Variants in USP47 observed in about 807,000 individuals in gnomAD.
USP47 encodes ubiquitin specific peptidase 47, also known as ubiquitin carboxyl-terminal hydrolase 47.
Under a neutral mutation model 165.1 loss-of-function variants are expected in USP47, and 35 were observed. The ratio of observed to expected loss-of-function variants is 0.21; its 90% CI spans 0.16 to 0.28. The LOEUF (loss-of-function observed/expected upper bound fraction) is 0.28, where lower values mean the gene tolerates loss of function less well. USP47 is among the 10% of genes least tolerant of loss of function. The probability of loss-of-function intolerance (pLI) is 1.00; values close to 1 mark genes in which losing one functional copy is unlikely to be tolerated. For missense variants in USP47, 1,277 were observed against 1,607.4 expected (o/e 0.79, Z 3.52); for synonymous variants, 531 against 544.5 (o/e 0.98, Z 0.35).
At chr11:11,924,859 G>T (rs998016407) in intron 11 of USP47, among the ~76,000 whole-genome samples, 13 of 151,968 alleles carry the variant, frequency 8.6e-5, no homozygotes, top group African/African-American at 3.1e-4. Flanking sequence ...TTTAATCTCG[G>T]TTAGCCTAAT....
At chr11:11,910,156 T>G (rs961006431) in intron 8 of USP47, among the ~76,000 whole-genome samples, 1 of 152,124 alleles carries the variant, frequency 6.6e-6, no homozygotes, top group Non-Finnish European at 1.5e-5. Flanking sequence ...TTCCTCCCAC[T>G]AAAACAACTG....
chr11:11,847,406 A>G (rs1437742431), intron 1 of USP47, among the ~76,000 whole-genome samples: 2 of 152,044 alleles, frequency 1.3e-5, no homozygotes, highest in East Asian at 3.9e-4. Flanking sequence ...TTATATCTCC[A>G]GCCCTGACCC....
At chr11:11,844,386 T>C (rs1359550210) in intron 1 of USP47, among the ~76,000 whole-genome samples, 1 of 152,206 alleles carries the variant, frequency 6.6e-6, no homozygotes, top group Non-Finnish European at 1.5e-5. Flanking sequence ...GACAGGTCCT[T>C]TTAAACAGTA....
At chr11:11,932,387 A>G (rs1854735899) in intron 14 of USP47, among the ~76,000 whole-genome samples, 2 of 152,190 alleles carry the variant, frequency 1.3e-5, no homozygotes, top group Admixed American at 1.3e-4. Context: ...TTGTATTCAA[A>G]TGAATCTTGA....
intron 20 of USP47, among the ~76,000 whole-genome samples, chr11:11,944,557 T>C (rs1855696655): frequency 6.6e-6 from 1 of 152,176 alleles, no homozygotes; most frequent in Non-Finnish European, 1.5e-5. Context: ...ATTAGTTTTT[T>C]TAACAGCTGT....
At chr11:11,907,930 T>C (rs1416005791) in intron 8 of USP47, among the ~76,000 whole-genome samples, 3 of 152,002 alleles carry the variant, frequency 2.0e-5, no homozygotes, top group African/African-American at 4.8e-5. Context: ...ACCTCGTCTC[T>C]ACTAAAAATT....
chr11:11,952,857 G>A lies in USP47; in HGVS notation c.3700G>A (p.Glu1234Lys), dbSNP rs752493697. The A allele has an allele frequency of 2.8e-5, 45 of 1,601,992 alleles. No individual in the cohort carries two copies. The highest frequency in any genetic ancestry group is 6.8e-5 in the East Asian group (3 of 44,140). ...TGTATTGGAAAGCAGTAGTGTGGAC[G>A]AATTGCGAGAGAAGGTAAGTTCATT... ...EVVLESSSVD[E>K]LREKLSEISG... The change falls in exon 25 of 28, where the codon GAA becomes AAA. Residue 1234 changes from glutamate (E) to lysine (K), a missense_variant. By Grantham distance (56) the Glu-to-Lys change is moderately conservative. This residue lies in a region of USP47 where 909 missense variants were observed against 1,068.1 expected (regional missense o/e 0.85). Coordinates refer to ENST00000527733, the MANE Select transcript of USP47 (RefSeq NM_001282659.2).
intron 15 of USP47, 53 bp from the exon 16 acceptor site, chr11:11,933,778 A>G: frequency 7.9e-7 from 1 of 1,261,716 alleles, no homozygotes. Context: ...CTATCTACGG[A>G]AGAATTGAAC....
intron 1 of USP47, among the ~76,000 whole-genome samples, chr11:11,867,969 T>G (rs1432861005): frequency 6.6e-6 from 1 of 152,064 alleles, no homozygotes; most frequent in Non-Finnish European, 1.5e-5. Flanking sequence ...TTCTTAGGAG[T>G]ACCCTCCTCC....
At chr11:11,905,322 C>A in intron 7 of USP47, 77 bp from the exon 8 acceptor site, 1 of 1,087,766 alleles carries the variant, frequency 9.2e-7, no homozygotes, top group Non-Finnish European at 1.2e-6. Context: ...GTAAACCATT[C>A]TAAAAAGTGT....
At chr11:11,945,329 T>C (rs1211079449) in intron 20 of USP47, among the ~76,000 whole-genome samples, 1 of 152,170 alleles carries the variant, frequency 6.6e-6, no homozygotes, top group Non-Finnish European at 1.5e-5. Flanking sequence ...TACACATTCT[T>C]CAGAGTGATA....
At chr11:11,871,608 G>A (rs1185840586) in intron 1 of USP47, among the ~76,000 whole-genome samples, 1 of 149,816 alleles carries the variant, frequency 6.7e-6, no homozygotes, top group Non-Finnish European at 1.5e-5. Flanking sequence ...CCTTGCCTCA[G>A]GCACTCTCTT....
chr11:11,879,083 T>A (rs1317846600), intron 1 of USP47, among the ~76,000 whole-genome samples: 1 of 152,134 alleles, frequency 6.6e-6, no homozygotes, highest in Non-Finnish European at 1.5e-5. Context: ...AGCAAGAGAT[T>A]TACATCATCA....
At chr11:11,880,852 G>T (rs1303392056) in intron 2 of USP47, among the ~76,000 whole-genome samples, 1 of 152,144 alleles carries the variant, frequency 6.6e-6, no homozygotes, top group African/African-American at 2.4e-5. Context: ...TTTTATTTGT[G>T]TGTCTATGTG....
chr11:11,933,398 A>G (rs932352663), intron 15 of USP47, among the ~76,000 whole-genome samples: 2 of 152,166 alleles, frequency 1.3e-5, no homozygotes, highest in African/African-American at 4.8e-5. Flanking sequence ...AACTGGATAG[A>G]AATTGAGTAG....
At chr11:11,843,320 A>G (rs768876200) in intron 1 of USP47, among the ~76,000 whole-genome samples, 33 of 152,214 alleles carry the variant, frequency 2.2e-4, no homozygotes, top group Admixed American at 3.9e-4. Context: ...CAGCTTTGTC[A>G]GAAGGGCAGT....
rs1334944466 is a variant in USP47 at position 11,905,488 on chromosome 11, A to T, written c.909A>T (p.Thr303=). Residue 303 remains threonine (T), a synonymous_variant, in exon 8 of 28, where the codon ACA becomes ACT. Coordinates refer to ENST00000527733, the MANE Select transcript of USP47 (RefSeq NM_001282659.2). ...ECGYEGWRID[T]YLDIPLVIRP... ...GTTATGAGGGCTGGCGAATCGACACATATCTTGATATTCCATTGGTCATCC... is the reference window on the plus strand; with the variant it reads ...GTTATGAGGGCTGGCGAATCGACACTTATCTTGATATTCCATTGGTCATCC... The T allele has an allele frequency of 6.2e-7, 1 of 1,609,978 alleles. No individual in the cohort carries two copies. Among genetic ancestry groups the T allele is most frequent in the African/African-American group, 1.3e-5 (1 of 74,828 alleles).
chr11:11,923,668 T>G (rs1854028449), intron 11 of USP47, among the ~76,000 whole-genome samples: 1 of 152,218 alleles, frequency 6.6e-6, no homozygotes. Context: ...TACAGAGTCA[T>G]TAAATATAGG....
chr11:11,942,872 T>C lies in USP47; in HGVS notation c.2851T>C (p.Leu951=). The C allele has an allele frequency of 6.2e-7, 1 of 1,613,754 alleles. No individual in the cohort carries two copies. The highest frequency in any genetic ancestry group is 8.5e-7 in the Non-Finnish European group (1 of 1,179,768). The stretch of plus-strand genomic sequence containing the variant: ...TAGCTCCAGTCATAGCAGTGATACT[T>C]TGTGCAATGCAGACAATGCTCAGAT... ...ILSSSHSSDT[L]CNADNAQIPL... Residue 951 remains leucine (L), a synonymous_variant, in exon 20 of 28, where the codon TTG becomes CTG. Transcript: ENST00000527733.
Sources: allele counts gnomAD v4.1 joint callset (sites outside exome capture counted in the v4.1 genomes callset), GRCh38; gene constraint gnomAD v4.1.1; regional missense constraint gnomAD v4.1.1; transcripts MANE v1.5; gene names NCBI Gene and HGNC (gene_info 2026-07-23, HGNC 2026-07-21).